Variants in KLF13 observed in about 807,000 individuals in gnomAD.
KLF13 encodes the protein Krueppel-like factor 13.
Under a neutral mutation model 16.7 loss-of-function variants are expected in KLF13, and 8 were observed. The observed-to-expected ratio is 0.48, with a 90% CI of 0.28 to 0.87. The LOEUF (loss-of-function observed/expected upper bound fraction) is 0.87, where lower values mean the gene tolerates loss of function less well. KLF13 is among the 40% of genes least tolerant of loss of function. The pLI is 0.10. For missense variants in KLF13, 447 were observed against 452.2 expected (o/e 0.99, Z 0.10); for synonymous variants, 245 against 208.4 (o/e 1.18, Z -1.51).
intron 2 of KLF13, among the ~76,000 whole-genome samples, chr15:31,398,916 G>A (rs1425389818): frequency 6.6e-6 from 1 of 152,184 alleles, no homozygotes; most frequent in African/African-American, 2.4e-5. Flanking sequence ...CCACTGGGCG[G>A]GGCTGTGTCA....
intron 1 of KLF13, among the ~76,000 whole-genome samples, chr15:31,383,776 C>G (rs1475031007): frequency 6.6e-6 from 1 of 152,110 alleles, no homozygotes; most frequent in East Asian, 1.9e-4. Flanking sequence ...GTGGTGGGCG[C>G]CTGTAGTCCC....
chr15:31,346,659 C>G (rs2039125706), intron 1 of KLF13, among the ~76,000 whole-genome samples: 1 of 152,254 alleles, frequency 6.6e-6, no homozygotes, highest in Admixed American at 6.5e-5. Flanking sequence ...GCCTTCACTT[C>G]CGTATCTTTC....
At chr15:31,342,666 C>T (rs2039047373) in intron 1 of KLF13, among the ~76,000 whole-genome samples, 1 of 152,216 alleles carries the variant, frequency 6.6e-6, no homozygotes, top group Admixed American at 6.5e-5. Context: ...GGAGTAATTG[C>T]CTTCATGAGC....
chr15:31,359,143 A>C (rs1355088573), intron 1 of KLF13, among the ~76,000 whole-genome samples: 5 of 152,212 alleles, frequency 3.3e-5, no homozygotes, highest in Non-Finnish European at 7.3e-5. Flanking sequence ...TTCTGTGGCA[A>C]GGGGCCGATA....
chr15:31,335,645 A>G (rs778151213), intron 1 of KLF13, among the ~76,000 whole-genome samples: 2 of 152,110 alleles, frequency 1.3e-5, no homozygotes, highest in Non-Finnish European at 2.9e-5. Context: ...AGTTCATCAC[A>G]CAAAAACACT....
At chr15:31,391,622 A>C (rs911486127), upstream of KLF13, among the ~76,000 whole-genome samples, 4 of 148,252 alleles carry the variant, frequency 2.7e-5, no homozygotes, top group Admixed American at 6.7e-5. Context: ...CCCGCCCCCG[A>C]CGCTTCCGGG....
At chr15:31,341,501 CTT>C (rs35489650) in intron 1 of KLF13, among the ~76,000 whole-genome samples, 14 of 117,002 alleles carry the variant, frequency 1.2e-4, no homozygotes, top group Non-Finnish European at 1.3e-4. Context: ...AATTCAGAAT[CTT>C]TTTTTTTTTT....
chr15:31,430,498 A>C (rs933179214), intron 1 of KLF13, among the ~76,000 whole-genome samples: 2 of 152,192 alleles, frequency 1.3e-5, no homozygotes, highest in African/African-American at 4.8e-5. Flanking sequence ...AAGGCATCAC[A>C]TGGTGGAAGG....
rs1306845223 is a variant in KLF13, at chr15:31,327,157, G to T, written c.-56G>T. On this transcript the variant is annotated 5_prime_UTR_variant, in exon 1 of 2. Coordinates refer to ENST00000307145, the MANE Select transcript of KLF13 (RefSeq NM_015995.4). ...CCCGCTCTCCCGAGGCCGTGGGTGC[G>T]GATGCGCGGCTGACGACTCGCAGCA... 2.5e-5 allele frequency: 31 copies of T among 1,250,212 alleles called. No individual in the cohort carries two copies. Among genetic ancestry groups the T allele is most frequent in the Middle Eastern group, 6.4e-4 (2 of 3,140 alleles). 77.4% of individuals were successfully genotyped at this position (1,250,212 alleles called of 1,614,324 possible). A position where few individuals can be genotyped will look rare whatever the true frequency, so the allele number is the denominator to read the frequency against.
intron 1 of KLF13, among the ~76,000 whole-genome samples, chr15:31,383,742 TG>T (rs2039758435): frequency 1.3e-5 from 2 of 151,596 alleles, no homozygotes; most frequent in Admixed American, 1.3e-4. Flanking sequence ...CTACTAAAAA[TG>T]CAAAAAAAAT....
chr15:31,380,708 A>ACGTGG (rs569226112), downstream of KLF13, among the ~76,000 whole-genome samples: 12 of 152,338 alleles, frequency 7.9e-5, no homozygotes, highest in African/African-American at 2.9e-4. Context: ...CACCACTCCT[A>ACGTGG]AAAAGTCTCC....
intron 1 of KLF13, among the ~76,000 whole-genome samples, chr15:31,353,061 G>C (rs2039241276): frequency 6.6e-6 from 1 of 152,206 alleles, no homozygotes; most frequent in Non-Finnish European, 1.5e-5. Flanking sequence ...AGGAGGGACT[G>C]CAGAGGTAGT....
intron 1 of KLF13, among the ~76,000 whole-genome samples, chr15:31,341,960 C>G (rs1041031866): frequency 1.3e-5 from 2 of 152,216 alleles, no homozygotes; most frequent in Non-Finnish European, 2.9e-5. Flanking sequence ...TGCTAGACAT[C>G]AGGCATGCTC....
At chr15:31,348,547 G>T (rs2039163765) in intron 1 of KLF13, among the ~76,000 whole-genome samples, 2 of 152,300 alleles carry the variant, frequency 1.3e-5, no homozygotes, top group South Asian at 4.1e-4. Flanking sequence ...AGCCCAGGAA[G>T]CCCCTCCTGG....
intron 1 of KLF13, among the ~76,000 whole-genome samples, chr15:31,360,953 T>G (rs531833566): frequency 8.5e-5 from 13 of 152,178 alleles, no homozygotes; most frequent in Non-Finnish European, 1.5e-4. Context: ...CCGAGGCTCC[T>G]CCAGGGCTTC....
rs2039597173 is a variant in KLF13, at chr15:31,373,829, C to T, written c.*1530C>T. 1 of 144,934 alleles carries T rather than the reference C, an allele frequency of 6.9e-6. No homozygotes were observed. The highest frequency in any genetic ancestry group is 2.6e-5 in the African/African-American group (1 of 38,498). 9.0% of individuals were successfully genotyped at this position (144,934 alleles called of 1,614,324 possible). ...GTTGAGGCCTGTAAATACAAGGGCCCAGGACAGAGTGTGTGCGTGCGTGTG... is the reference window on the plus strand; with the variant it reads ...GTTGAGGCCTGTAAATACAAGGGCCTAGGACAGAGTGTGTGCGTGCGTGTG... On this transcript the variant is annotated 3_prime_UTR_variant, in exon 2 of 2. Coordinates refer to ENST00000307145, the MANE Select transcript of KLF13 (RefSeq NM_015995.4).
chr15:31,402,611 T>G (rs1430459056), intron 2 of KLF13, among the ~76,000 whole-genome samples: 1 of 152,172 alleles, frequency 6.6e-6, no homozygotes, highest in East Asian at 1.9e-4. Flanking sequence ...GACCCAGGGC[T>G]GCCCCGCCAT....
intron 1 of KLF13, among the ~76,000 whole-genome samples, chr15:31,410,357 A>G (rs1378098901): frequency 6.6e-6 from 1 of 152,136 alleles, no homozygotes; most frequent in Non-Finnish European, 1.5e-5. Context: ...GACCAAAAAG[A>G]AAACAGGTAG....
At chr15:31,342,620 C>T (rs1224055078) in intron 1 of KLF13, among the ~76,000 whole-genome samples, 4 of 152,214 alleles carry the variant, frequency 2.6e-5, no homozygotes, top group Non-Finnish European at 4.4e-5. Context: ...GCCTGGGCTT[C>T]GCTCGTTTCC....
Sources: allele counts gnomAD v4.1 joint callset (sites outside exome capture counted in the v4.1 genomes callset), GRCh38; gene constraint gnomAD v4.1.1; transcripts MANE v1.5; gene names NCBI Gene and HGNC (gene_info 2026-07-23, HGNC 2026-07-21).